The following TFEC variants were observed in gnomAD, a reference collection of about 807,000 sequenced individuals.
TFEC encodes the protein class E basic helix-loop-helix protein 34.
In TFEC, 31 loss-of-function variants were observed where a neutral mutation model predicts 41.6. The observed-to-expected ratio is 0.74, with a 90% confidence interval of 0.56 to 1.01. The LOEUF is 1.01. Among genes scored for constraint, TFEC ranks in the 50% least tolerant of loss-of-function variants. The pLI, the probability that TFEC is intolerant of heterozygous loss-of-function variation, is 0.00. For missense variants in TFEC, 402 were observed against 404.1 expected, an observed-to-expected ratio of 0.99 and a Z score of 0.04; for synonymous variants, 143 against 140.6, an observed-to-expected ratio of 1.02 and a Z score of -0.12.
chr7:116,068,872 A>T (rs549292628), intron 3 of TFEC, among the ~76,000 whole-genome samples: 1 of 151,656 alleles, frequency 6.6e-6, no homozygotes, highest in Non-Finnish European at 1.5e-5. Context: ...TTCCAATGAC[A>T]TTTTCAAAAA....
chr7:115,994,228 T>C (rs961860823), intron 1 of TFEC, among the ~76,000 whole-genome samples: 5 of 152,104 alleles, frequency 3.3e-5, no homozygotes, highest in Non-Finnish European at 7.4e-5. Flanking sequence ...AAGACTTAAA[T>C]GTTAGACCTA....
intron 2 of TFEC, 80 bp from the exon 3 acceptor site, chr7:115,974,336 C>A: frequency 9.1e-7 from 1 of 1,100,322 alleles, no homozygotes; most frequent in South Asian, 2.6e-5. Context: ...GAGAAAAATT[C>A]TAGCAATCTT....
chr7:115,941,104 A>G (rs1793472579), intron 7 of TFEC, 173 bp from the exon 8 acceptor site: 2 of 663,358 alleles, frequency 3.0e-6, no homozygotes, highest in Non-Finnish European at 4.8e-6. Flanking sequence ...CTGATGCATG[A>G]AAAATAACTC....
intron 1 of TFEC, among the ~76,000 whole-genome samples, chr7:116,154,365 G>A (rs1412243941): frequency 5.9e-5 from 9 of 151,966 alleles, no homozygotes; most frequent in African/African-American, 1.9e-4. Context: ...CTATCTCCTG[G>A]TATATCACTG....
chr7:115,994,882 A>C (rs1382123275), intron 1 of TFEC, among the ~76,000 whole-genome samples: 1 of 152,188 alleles, frequency 6.6e-6, no homozygotes, highest in East Asian at 1.9e-4. Context: ...ATGCCGCTAT[A>C]AAGACACATG....
At chr7:116,014,496 GAA>G (rs756554738) in intron 1 of TFEC, among the ~76,000 whole-genome samples, 1 of 151,040 alleles carries the variant, frequency 6.6e-6, no homozygotes, top group Admixed American at 6.6e-5. Flanking sequence ...CTTTAAAAAA[GAA>G]AAAAAATTCA....
chr7:116,090,118 CCCA>C (rs1797291383), intron 3 of TFEC, among the ~76,000 whole-genome samples: 1 of 152,142 alleles, frequency 6.6e-6, no homozygotes, highest in South Asian at 2.1e-4. Flanking sequence ...TTTGCAAATC[CCCA>C]CGTTTTTCTG....
chr7:116,024,299 C>G (rs574571749), intron 1 of TFEC, among the ~76,000 whole-genome samples: 1 of 152,030 alleles, frequency 6.6e-6, no homozygotes, highest in African/African-American at 2.4e-5. Flanking sequence ...TATGGAGAGG[C>G]GAGGTTGTTC....
intron 1 of TFEC, among the ~76,000 whole-genome samples, chr7:116,127,742 T>G (rs60098574): frequency 0.18 from 27,308 of 150,784 alleles, 2,518 homozygotes; most frequent in East Asian, 0.25. Context: ...AGGCAACTTA[T>G]GTGAAAGAAG....
At chr7:115,950,542 A>G (rs1003034188) in intron 6 of TFEC, among the ~76,000 whole-genome samples, 1 of 152,114 alleles carries the variant, frequency 6.6e-6, no homozygotes, top group Admixed American at 6.6e-5. Flanking sequence ...ATACTCATAA[A>G]AATTGAATAT....
intron 2 of TFEC, among the ~76,000 whole-genome samples, chr7:115,980,773 A>C (rs1793594095): frequency 6.6e-6 from 1 of 151,208 alleles, no homozygotes; most frequent in South Asian, 2.1e-4. Flanking sequence ...ACAAAACAAA[A>C]AAAACAAAAA....
At chr7:116,103,193 G>T (rs1050010150) in intron 3 of TFEC, among the ~76,000 whole-genome samples, 1 of 152,160 alleles carries the variant, frequency 6.6e-6, no homozygotes, top group Non-Finnish European at 1.5e-5. Context: ...AACACTTGGA[G>T]CCCCAGGGAA....
chr7:116,048,212 C>T (rs1796218387), intron 3 of TFEC, among the ~76,000 whole-genome samples: 1 of 152,158 alleles, frequency 6.6e-6, no homozygotes, highest in African/African-American at 2.4e-5. Flanking sequence ...GAACCCACCA[C>T]AAAGAAGCTA....
intron 1 of TFEC, among the ~76,000 whole-genome samples, chr7:115,993,892 T>C (rs181556163): frequency 3.3e-5 from 5 of 152,276 alleles, no homozygotes; most frequent in African/African-American, 1.2e-4. Context: ...GAGCCCACAC[T>C]GCCAAGAAAA....
At chr7:116,011,569 C>CT (rs1725726439) in intron 1 of TFEC, among the ~76,000 whole-genome samples, 1 of 152,046 alleles carries the variant, frequency 6.6e-6, no homozygotes, top group Admixed American at 6.6e-5. Flanking sequence ...AATATATATT[C>CT]TTTTAATAAG....
intron 1 of TFEC, among the ~76,000 whole-genome samples, chr7:116,010,088 A>C (rs997821798): frequency 1.3e-5 from 2 of 152,162 alleles, no homozygotes; most frequent in African/African-American, 4.8e-5. Flanking sequence ...CCTGTGGTGA[A>C]AGGAAGCAAG....
intron 1 of TFEC, among the ~76,000 whole-genome samples, chr7:116,121,774 G>T (rs1289086678): frequency 6.6e-6 from 1 of 152,024 alleles, no homozygotes; most frequent in African/African-American, 2.4e-5. Flanking sequence ...TAAAAGAAAT[G>T]AGTCTGGGAT....
intron 1 of TFEC, among the ~76,000 whole-genome samples, chr7:116,023,802 C>T (rs1562939378): frequency 6.6e-6 from 1 of 152,098 alleles, no homozygotes; most frequent in Non-Finnish European, 1.5e-5. Context: ...CATTATTACA[C>T]CAAATGCCAT....
chr7:116,037,695 C>T (rs1279313161), intron 3 of TFEC, among the ~76,000 whole-genome samples: 2 of 151,890 alleles, frequency 1.3e-5, no homozygotes, highest in East Asian at 3.9e-4. Flanking sequence ...TTAATAACTA[C>T]AAATTATCTA....
Sources: gnomAD v4.1 joint callset for allele counts (sites outside exome capture counted in the v4.1 genomes callset) on GRCh38, gnomAD v4.1.1 for gene constraint, MANE v1.5 for transcripts, NCBI Gene and HGNC (gene_info 2026-07-23, HGNC 2026-07-21) for gene names.